The following IPO11 variants were observed in gnomAD, a reference collection of about 807,000 sequenced individuals.
IPO11 encodes the protein importin 11, also known as importin-11.
IPO11 carries 66 observed loss-of-function variants against 143.2 expected under a neutral mutation model. That is an observed-to-expected ratio of 0.46 (90% CI 0.38 to 0.57). The LOEUF is 0.57. Among genes scored for constraint, IPO11 ranks in the 20% least tolerant of loss-of-function variants. The pLI is 0.00. For missense variants in IPO11, 1,026 were observed against 1,141.0 expected (o/e 0.90, Z 1.45); for synonymous variants, 385 against 377.8 (o/e 1.02, Z -0.22).
intron 16 of IPO11, among the ~76,000 whole-genome samples, chr5:62,494,515 CT>C: frequency 6.6e-6 from 1 of 151,690 alleles, no homozygotes; most frequent in Middle Eastern, 3.4e-3. Context: ...TTTTTTAAGC[CT>C]TTGGAATTAT....
chr5:62,585,479 G>A (rs969278730), intron 27 of IPO11, among the ~76,000 whole-genome samples: 1 of 152,154 alleles, frequency 6.6e-6, no homozygotes, highest in Non-Finnish European at 1.5e-5. Flanking sequence ...GTTAATCAAA[G>A]ATAGCCTGTG....
chr5:62,521,542 CT>C (rs1742201042), intron 20 of IPO11, among the ~76,000 whole-genome samples: 2 of 152,078 alleles, frequency 1.3e-5, no homozygotes, highest in African/African-American at 2.4e-5. Flanking sequence ...ATGGGAGTGC[CT>C]TTTCATCTCA....
Position 62,515,429 on chromosome 5 carries a change from C to T in IPO11, c.1824C>T (p.Leu608=), listed in dbSNP as rs748432545. 2 of 1,611,218 alleles carry T rather than the reference C, an allele frequency of 1.2e-6. No homozygotes were observed. The highest frequency in any genetic ancestry group is 1.1e-5 in the South Asian group (1 of 90,444). ...GATGTTTGGTACAATATTTGCCCCT[C>T]CTTTGGAAGCAGAGTGAAGAACACA... is the stretch of plus-strand genomic sequence containing the variant. ...YVGCLVQYLP[L]LWKQSEEHNM... The change falls in exon 20 of 30, where the codon CTC becomes CTT. Residue 608 remains leucine, a synonymous_variant. Transcript: ENST00000325324.
intron 29 of IPO11, among the ~76,000 whole-genome samples, chr5:62,607,678 T>C (rs1745773302): frequency 6.6e-6 from 1 of 152,218 alleles, no homozygotes; most frequent in South Asian, 2.1e-4. Flanking sequence ...TATAGCATTG[T>C]TGAAAATACT....
intron 1 of IPO11, among the ~76,000 whole-genome samples, chr5:62,430,947 T>C (rs1176534520): frequency 6.6e-6 from 1 of 151,750 alleles, no homozygotes; most frequent in African/African-American, 2.4e-5. Flanking sequence ...AAAAATGCTA[T>C]TACAGGTGTG....
intron 5 of IPO11, among the ~76,000 whole-genome samples, chr5:62,458,870 C>T (rs1239031687): frequency 6.6e-6 from 1 of 152,158 alleles, no homozygotes; most frequent in African/African-American, 2.4e-5. Context: ...CATAAAGCCT[C>T]TTGTCTGAGT....
In IPO11 at chr5:62,572,111, A is replaced by G. The variant is rs1049513672; in HGVS notation, c.2582+10854A>G. 2.0e-5 allele frequency among the ~76,000 whole-genome samples: 3 copies of G among 152,356 alleles called. No individual in the cohort carries two copies. The South Asian group carries it at 6.2e-4, about 32-fold the overall frequency. On this transcript the variant is annotated intron_variant, in intron 27 of 29. Transcript: ENST00000325324. ...TAATGTCTTCTCTGCCAGGCTATTG[A>G]GTACCTCAAGTAATGCTCTTTTGCC...
chr5:62,416,081 C>T (rs140383152), intron 1 of IPO11, among the ~76,000 whole-genome samples: 35 of 152,050 alleles, frequency 2.3e-4, no homozygotes, highest in African/African-American at 8.2e-4. Flanking sequence ...GACCTCCATC[C>T]TTGGCTTGCA....
rs771806371 is a variant in IPO11, at chr5:62,483,207, C to T, written c.935C>T (p.Thr312Ile). 21 of 1,610,686 alleles carry T rather than the reference C, an allele frequency of 1.3e-5. No homozygotes were observed. The East Asian group carries it at 2.0e-4, about 15-fold the overall frequency. The stretch of plus-strand genomic sequence containing the variant: ...TTTACAGAAGTTGGTGAAGGCGTTA[C>T]ATTTGAACGATTCATTGTCCAATGT... ...YVFTEVGEGV[T>I]FERFIVQCMN... The change falls in exon 10 of 30, where the codon ACA (threonine) becomes ATA (isoleucine). Residue 312 changes from threonine to isoleucine, a missense_variant. By Grantham distance (89) the Thr-to-Ile change is moderately conservative. This residue lies in a region of IPO11 where 429 missense variants were observed against 456.3 expected (regional missense o/e 0.94). Transcript: ENST00000325324.
In IPO11 at chr5:62,449,951, T is replaced by A. The variant is rs1274805739; in HGVS notation, c.264T>A (p.Thr88=). 6.3e-7 allele frequency: 1 copy of A among 1,589,116 alleles called. No individual in the cohort carries two copies. The highest frequency in any genetic ancestry group is 1.2e-5 in the South Asian group (1 of 85,076). The change falls in exon 4 of 30, where the codon ACT becomes ACA. Residue 88 remains threonine, a synonymous_variant. Transcript: ENST00000325324. ...GTGCTCTCTCAGAGGAGGAGAAAAC[T>A]ACTCTGCGTGCAGGGCTCATCACCA... ...APHALSEEEK[T]TLRAGLITNF...
chr5:62,487,634 T>C, intron 12 of IPO11, 137 bp from the exon 13 acceptor site: 1 of 977,904 alleles, frequency 1.0e-6, no homozygotes, highest in East Asian at 3.4e-5. Context: ...AACCTTACTT[T>C]TTTTTTTTAA....
intron 27 of IPO11, among the ~76,000 whole-genome samples, chr5:62,573,533 G>A (rs528573946): frequency 2.0e-5 from 3 of 152,026 alleles, no homozygotes; most frequent in Admixed American, 6.6e-5. Context: ...TGTGATCTGT[G>A]AGCTGATGGA....
intron 5 of IPO11, among the ~76,000 whole-genome samples, chr5:62,465,855 C>T (rs1745555661): frequency 6.6e-6 from 1 of 152,164 alleles, no homozygotes; most frequent in South Asian, 2.1e-4. Flanking sequence ...TTCCTGTGGG[C>T]CTTGTCTCAT....
chr5:62,613,311 T>TTG (rs1414412750), intron 29 of IPO11, among the ~76,000 whole-genome samples: 1 of 144,788 alleles, frequency 6.9e-6, no homozygotes, highest in African/African-American at 2.6e-5. Flanking sequence ...TTTTTTTTTT[T>TTG]TTTTTTTTTT....
At chr5:62,477,607 G>A (rs1746005828) in intron 9 of IPO11, among the ~76,000 whole-genome samples, 1 of 152,054 alleles carries the variant, frequency 6.6e-6, no homozygotes, top group Non-Finnish European at 1.5e-5. Flanking sequence ...AAAACACAAA[G>A]CAAAGTAAAA....
At chr5:62,447,531 T>C (rs1339525095) in intron 3 of IPO11, among the ~76,000 whole-genome samples, 3 of 152,192 alleles carry the variant, frequency 2.0e-5, no homozygotes, top group Non-Finnish European at 4.4e-5. Context: ...AAGGTGCTTA[T>C]GTGAAGTAGG....
At chr5:62,578,190 C>T (rs1470200381) in intron 27 of IPO11, among the ~76,000 whole-genome samples, 1 of 151,964 alleles carries the variant, frequency 6.6e-6, no homozygotes, top group African/African-American at 2.4e-5. Context: ...CCAATTAGTG[C>T]GTTACTACTA....
intron 3 of IPO11, 157 bp from the exon 4 acceptor site, chr5:62,449,770 C>T: frequency 4.2e-6 from 2 of 477,000 alleles, no homozygotes; most frequent in Non-Finnish European, 7.5e-6. Context: ...CACAGTAGTG[C>T]CAATATACAA....
chr5:62,514,402 C>G (rs1741922999), intron 19 of IPO11, among the ~76,000 whole-genome samples: 1 of 151,968 alleles, frequency 6.6e-6, no homozygotes, highest in African/African-American at 2.4e-5. Context: ...CCAGTCTGGC[C>G]AACACAGCGA....
Sources: allele counts gnomAD v4.1 joint callset (sites outside exome capture counted in the v4.1 genomes callset), GRCh38; gene constraint gnomAD v4.1.1; regional missense constraint gnomAD v4.1.1; transcripts MANE v1.5; gene names NCBI Gene and HGNC (gene_info 2026-07-23, HGNC 2026-07-21).